PDE1A: variants seen among roughly 807,000 people sequenced by gnomAD.
The protein encoded by PDE1A is phosphodiesterase 1A.
PDE1A carries 35 observed loss-of-function variants against 61.7 expected under a neutral mutation model. That is an observed-to-expected ratio of 0.57 (90% CI 0.43 to 0.75). The LOEUF is 0.75. Ranked by LOEUF, PDE1A falls within the 30% of genes least tolerant of loss-of-function variation. The pLI is 0.00. For synonymous variants in PDE1A, 232 were observed against 213.2 expected, an observed-to-expected ratio of 1.09 and a Z score of -0.77; for missense variants, 597 against 630.6, an observed-to-expected ratio of 0.95 and a Z score of 0.57.
chr2:182,202,952 T>A (rs764237336), intron 8 of PDE1A, among the ~76,000 whole-genome samples: 3 of 152,194 alleles, frequency 2.0e-5, no homozygotes, highest in Non-Finnish European at 2.9e-5. Flanking sequence ...TGAAGGAAAC[T>A]TGAATTACGA....
At chr2:182,638,540 A>G in the PDE1A span, among the ~76,000 whole-genome samples, 1 of 152,206 alleles carries the variant, frequency 6.6e-6, no homozygotes, top group East Asian at 1.9e-4. Context: ...CATCTCAAAA[A>G]AAATGAAAAA....
chr2:182,212,228 AAC>A (rs1412431263), intron 7 of PDE1A, among the ~76,000 whole-genome samples: 1 of 140,382 alleles, frequency 7.1e-6, no homozygotes, highest in Non-Finnish European at 1.5e-5. Flanking sequence ...AATGTCTTGA[AAC>A]ATATATATCT....
chr2:182,232,879 AC>A (rs895626892), intron 4 of PDE1A, among the ~76,000 whole-genome samples: 1 of 152,128 alleles, frequency 6.6e-6, no homozygotes, highest in Non-Finnish European at 1.5e-5. Context: ...TTTTTTATAA[AC>A]CCTGATGATT....
the PDE1A span, among the ~76,000 whole-genome samples, chr2:182,533,000 T>C: frequency 1.7e-5 from 2 of 117,384 alleles, no homozygotes; most frequent in Non-Finnish European, 3.6e-5. Context: ...ATGTAAATTA[T>C]ACCTCAATAA....
chr2:182,523,939 T>C (rs1261177290), upstream of PDE1A, among the ~76,000 whole-genome samples: 1 of 152,156 alleles, frequency 6.6e-6, no homozygotes, highest in Non-Finnish European at 1.5e-5. Context: ...TTATAGAAAA[T>C]GGCTTCTGAT....
intron 2 of PDE1A, among the ~76,000 whole-genome samples, chr2:182,255,324 C>T (rs1036721455): frequency 6.6e-6 from 1 of 152,154 alleles, no homozygotes; most frequent in Non-Finnish European, 1.5e-5. Flanking sequence ...CGTTCATTAG[C>T]CCAATCTATT....
chr2:182,689,347 T>C, the PDE1A span, among the ~76,000 whole-genome samples: 8 of 152,036 alleles, frequency 5.3e-5, no homozygotes, highest in African/African-American at 1.9e-4. Flanking sequence ...CACAGTGCAA[T>C]CAAACTAGAA....
chr2:182,564,786 G>A, the PDE1A span, among the ~76,000 whole-genome samples: 9 of 151,862 alleles, frequency 5.9e-5, no homozygotes, highest in South Asian at 2.1e-4. Flanking sequence ...TTCCCTTCTC[G>A]CTTCATTTCA....
At chr2:182,261,056 T>C (rs892128021) in intron 2 of PDE1A, among the ~76,000 whole-genome samples, 4 of 152,210 alleles carry the variant, frequency 2.6e-5, no homozygotes, top group Non-Finnish European at 5.9e-5. Context: ...ATAAAATGCT[T>C]AGAAGATTTT....
In PDE1A at chr2:182,305,605, G is replaced by C. The variant is rs185749938; in HGVS notation, c.54-41191C>G. ...AAGAGATTATCAGTAGCTCTATAAA[G>C]AGATTATAAAGTTTATAAAAATCAA... is the stretch of plus-strand genomic sequence containing the variant. On this transcript the variant is annotated intron_variant, in intron 1 of 13. Transcript: ENST00000351439. 2.6e-3 allele frequency among the ~76,000 whole-genome samples: 390 copies of C among 152,164 alleles called. 4 individuals carry two copies. The highest frequency in any genetic ancestry group is 9.0e-3 in the African/African-American group (372 of 41,550).
At chr2:182,379,487 C>T (rs1440157598) in intron 1 of PDE1A, among the ~76,000 whole-genome samples, 1 of 152,156 alleles carries the variant, frequency 6.6e-6, no homozygotes, top group African/African-American at 2.4e-5. Context: ...CCCAGCTGTT[C>T]AAACGTCTGA....
chr2:182,425,421 A>G (rs1346602915), intron 1 of PDE1A, among the ~76,000 whole-genome samples: 1 of 152,210 alleles, frequency 6.6e-6, no homozygotes. Flanking sequence ...TCATTGCATA[A>G]GACACAAAAA....
intron 5 of PDE1A, among the ~76,000 whole-genome samples, chr2:182,230,715 T>C (rs190510280): frequency 7.2e-5 from 11 of 152,304 alleles, no homozygotes; most frequent in African/African-American, 2.4e-4. Context: ...GGAGTAGTCA[T>C]ATTTCTTTAA....
At chr2:182,424,411 G>A (rs1703476378) in intron 1 of PDE1A, among the ~76,000 whole-genome samples, 1 of 152,160 alleles carries the variant, frequency 6.6e-6, no homozygotes, top group Non-Finnish European at 1.5e-5. Context: ...AAGGCCCCTA[G>A]GAAGTGGGGT....
At chr2:182,572,647 G>A in the PDE1A span, among the ~76,000 whole-genome samples, 45 of 152,136 alleles carry the variant, frequency 3.0e-4, no homozygotes, top group African/African-American at 9.9e-4. Context: ...GAGGCGGGCG[G>A]ATCACGAGGT....
intron 2 of PDE1A, among the ~76,000 whole-genome samples, chr2:182,477,499 T>C (rs56047268): frequency 1.3e-5 from 2 of 151,788 alleles, no homozygotes; most frequent in Non-Finnish European, 2.9e-5. Context: ...ATGGTGAAAT[T>C]GAGATGTGAA....
chr2:182,499,510 C>T (rs1688959177), intron 2 of PDE1A, among the ~76,000 whole-genome samples: 1 of 152,134 alleles, frequency 6.6e-6, no homozygotes, highest in Non-Finnish European at 1.5e-5. Context: ...AGGCATGGGC[C>T]ACTGCACCCG....
At chr2:182,395,477 T>G (rs1701651069) in intron 1 of PDE1A, among the ~76,000 whole-genome samples, 1 of 152,118 alleles carries the variant, frequency 6.6e-6, no homozygotes, top group Admixed American at 6.5e-5. Context: ...TTTCTAGGGG[T>G]CCAGTGGTGT....
chr2:182,481,413 T>C (rs1344795839), intron 2 of PDE1A, among the ~76,000 whole-genome samples: 2 of 151,918 alleles, frequency 1.3e-5, no homozygotes, highest in Non-Finnish European at 2.9e-5. Context: ...TGAAGTCTAA[T>C]CCATTTTTTT....
Sources: allele counts gnomAD v4.1 joint callset (sites outside exome capture counted in the v4.1 genomes callset), GRCh38; gene constraint gnomAD v4.1.1; transcripts MANE v1.5; gene names NCBI Gene and HGNC (gene_info 2026-07-23, HGNC 2026-07-21).